Variants in ZNF552 observed in about 807,000 individuals in gnomAD.
ZNF552 encodes the protein zinc finger protein 552.
In ZNF552, 2 loss-of-function variants were observed where a neutral mutation model predicts 7.2. The ratio of observed to expected loss-of-function variants is 0.28; its 90% CI spans 0.11 to 0.88. The LOEUF (loss-of-function observed/expected upper bound fraction) is 0.88. ZNF552 is among the 40% of genes least tolerant of loss of function. ZNF552 has a pLI of 0.60. For synonymous variants in ZNF552, 173 were observed against 176.5 expected (o/e 0.98, Z 0.16); for missense variants, 421 against 493.4 (o/e 0.85, Z 1.39).
At position 57,808,622 on chromosome 19, in the gene ZNF552, A is replaced by G. The variant is rs1443955026; in HGVS notation, c.642T>C (p.Cys214=). The part of the protein sequence containing the change: ...LFHGGKSHYS[C]GGCMKHFSTK... The stretch of plus-strand genomic sequence containing the variant: ...TGCTAAAATGTTTCATGCATCCTCC[A>G]CAGCTGTAATGGCTTTTTCCCCCAT... Residue 214 remains cysteine, a synonymous_variant, in exon 3 of 3, where the codon TGT becomes TGC. Transcript: ENST00000391701. The G allele has an allele frequency of 1.2e-6, 2 of 1,613,992 alleles. No individual in the cohort carries two copies. Among genetic ancestry groups the G allele is most frequent in the Non-Finnish European group, 1.7e-6 (2 of 1,180,038 alleles).
chr19:57,808,207 C>G lies in ZNF552; in HGVS notation c.1057G>C (p.Glu353Gln). Reference protein sequence around the residue: ...KRVHTGQKPYECSECGKSFAE... With the variant: ...KRVHTGQKPYQCSECGKSFAE... ...AAAGATTTCCCACATTCACTGCACT[C>G]ATAAGGCTTCTGACCAGTGTGAACT... Residue 353 changes from glutamate to glutamine, a missense_variant, in exon 3 of 3, where the codon GAG becomes CAG. Glu to Gln is a conservative substitution (Grantham distance 29). Coordinates refer to ENST00000391701, the MANE Select transcript of ZNF552 (RefSeq NM_024762.3). The G allele has an allele frequency of 6.2e-7, 1 of 1,614,180 alleles. No homozygotes were observed. Among genetic ancestry groups the G allele is most frequent in the Non-Finnish European group, 8.5e-7 (1 of 1,180,030 alleles).
chr19:57,813,772 T>C (rs1987903418), intron 1 of ZNF552, among the ~76,000 whole-genome samples: 1 of 129,354 alleles, frequency 7.7e-6, no homozygotes. Flanking sequence ...TGATACGGAG[T>C]CTCGCTCTGT....
intron 2 of ZNF552, among the ~76,000 whole-genome samples, chr19:57,811,112 A>G (rs922978047): frequency 6.6e-6 from 1 of 152,146 alleles, no homozygotes; most frequent in African/African-American, 2.4e-5. Context: ...GGCAGGGGGA[A>G]GGCAGGGTTC....
intron 2 of ZNF552, among the ~76,000 whole-genome samples, chr19:57,812,453 C>T (rs1987875429): frequency 6.6e-6 from 1 of 152,024 alleles, no homozygotes; most frequent in Non-Finnish European, 1.5e-5. Context: ...ACCAAGATAA[C>T]CAAGTACATG....
intron 2 of ZNF552, among the ~76,000 whole-genome samples, chr19:57,812,319 G>T (rs1176476898): frequency 2.0e-5 from 3 of 152,092 alleles, no homozygotes; most frequent in Non-Finnish European, 4.4e-5. Context: ...TTTCTGTCAT[G>T]ATTTGAATAA....
chr19:57,814,609 C>T lies in ZNF552; in HGVS notation c.33+102G>A, dbSNP rs757695802. The T allele has an allele frequency of 4.4e-6, 7 of 1,598,614 alleles. 1 individual carries two copies. Among genetic ancestry groups the T allele is most frequent in the East Asian group, 2.3e-5 (1 of 43,974 alleles). ...CGAGAGCGCCTCAGTGTCCCGACGC[C>T]GGGTCCGGGTTGCAGAGCCGTAAAC... On this transcript the variant is annotated intron_variant, in intron 1 of 2. Transcript: ENST00000391701.
chr19:57,808,379 T>C lies in ZNF552; in HGVS notation c.885A>G (p.Pro295=). ...ATTTCTGACAAACCTCACACTCATA[T>C]GGCTTCTCTCCAGTGTGAATTCTCT... ...VHQRIHTGEK[P]YECEVCQKFF... Residue 295 remains proline (P), a synonymous_variant, in exon 3 of 3, where the codon CCA becomes CCG. Transcript: ENST00000391701. The C allele has an allele frequency of 5.0e-6, 8 of 1,613,564 alleles. No homozygotes were observed. The highest frequency in any genetic ancestry group is 3.3e-5 in the South Asian group (3 of 91,008).
chr19:57,808,252 T>C lies in ZNF552; in HGVS notation c.1012A>G (p.Thr338Ala), dbSNP rs1012396713. 1.1e-5 allele frequency: 17 copies of C among 1,613,986 alleles called. No homozygotes were observed. The highest frequency in any genetic ancestry group is 3.3e-5 in the South Asian group (3 of 91,076). Residue 338 changes from threonine (T) to alanine (A), a missense_variant, in exon 3 of 3, where the codon ACA becomes GCA. Physicochemically the swap from Thr to Ala is moderately conservative, Grantham distance 58 (BLOSUM62 0). Transcript: ENST00000391701. ...DCGKSFTHSS[T>A]FRVHKRVHTG... ...TGAACTCTCTTATGAACACGGAATG[T>C]AGAGCTGTGGGTAAATGACTTCCCA...
intron 2 of ZNF552, among the ~76,000 whole-genome samples, chr19:57,809,533 C>T (rs998960277): frequency 2.0e-5 from 3 of 151,814 alleles, no homozygotes; most frequent in African/African-American, 7.3e-5. Context: ...ATACTGGAAA[C>T]CACTGCAGAT....
intron 2 of ZNF552, among the ~76,000 whole-genome samples, chr19:57,811,578 C>T (rs1174971763): frequency 1.3e-5 from 2 of 152,146 alleles, no homozygotes; most frequent in African/African-American, 4.8e-5. Flanking sequence ...ATTAGCCGGG[C>T]ATGGTGGCAC....
intron 2 of ZNF552, 102 bp downstream of exon 2, chr19:57,813,192 A>G: frequency 6.4e-7 from 1 of 1,553,046 alleles, no homozygotes. Context: ...TGAAGTAGGA[A>G]GCTGTGTCCA....
chr19:57,808,263 G>A lies in ZNF552; in HGVS notation c.1001C>T (p.Thr334Ile). Residue 334 changes from threonine (T) to isoleucine (I), a missense_variant, in exon 3 of 3, where the codon ACC (threonine) becomes ATC (isoleucine). Physicochemically the swap from Thr to Ile is moderately conservative, Grantham distance 89 (BLOSUM62 -1). Transcript: ENST00000391701. ...ATGAACACGGAATGTAGAGCTGTGG[G>A]TAAATGACTTCCCACAATCACTGCA... ...YECSDCGKSFTHSSTFRVHKR... is the reference protein window; with the variant it reads ...YECSDCGKSFIHSSTFRVHKR... 1 of 1,613,960 alleles carries A rather than the reference G, an allele frequency of 6.2e-7. No homozygotes were observed. Among genetic ancestry groups the A allele is most frequent in the South Asian group, 1.1e-5 (1 of 91,068 alleles).
In ZNF552 at chr19:57,813,405, C is replaced by T. The variant is rs1394308366; in HGVS notation, c.49G>A (p.Glu17Lys). The change falls in exon 2 of 3, where the codon GAA (glutamate) becomes AAA (lysine). Residue 17 changes from glutamate (E) to lysine (K), a missense_variant. Coordinates refer to ENST00000391701, the MANE Select transcript of ZNF552 (RefSeq NM_024762.3). Reference sequence around the variant, plus strand: ...TGGGTAAATTTCACAGCCACGTCTTCAAAAGTCACTGTGCCCTGTTATGAT... The same window carrying T: ...TGGGTAAATTTCACAGCCACGTCTTTAAAAGTCACTGTGCCCTGTTATGAT... ...RFPVQGTVTF[E>K]DVAVKFTQEE... 3.1e-6 allele frequency: 5 copies of T among 1,613,964 alleles called. No homozygotes were observed. The highest frequency in any genetic ancestry group is 4.2e-6 in the Non-Finnish European group (5 of 1,180,010).
chr19:57,812,141 C>T (rs984099679), intron 2 of ZNF552, among the ~76,000 whole-genome samples: 16 of 151,636 alleles, frequency 1.1e-4, no homozygotes, highest in African/African-American at 3.9e-4. Context: ...GCAGAGGTTG[C>T]AGTGAGCAGA....
At chr19:57,814,043 ACTTT>A (rs1987910835) in intron 1 of ZNF552, among the ~76,000 whole-genome samples, 1 of 151,584 alleles carries the variant, frequency 6.6e-6, no homozygotes, top group Non-Finnish European at 1.5e-5. Context: ...CCCACCCTCC[ACTTT>A]CTTGTATGCG....
At position 57,811,580 on chromosome 19, in the gene ZNF552, T is replaced by C. The variant is rs530426636; in HGVS notation, c.160+1714A>G. The stretch of plus-strand genomic sequence containing the variant: ...CAGGCCACCCTTCATTAGCCGGGCA[T>C]GGTGGCACATGCCTGTAATCCCAGC... On this transcript the variant is annotated intron_variant, in intron 2 of 2. Coordinates refer to ENST00000391701, the MANE Select transcript of ZNF552 (RefSeq NM_024762.3). 5.9e-5 allele frequency among the ~76,000 whole-genome samples: 9 copies of C among 152,036 alleles called. No homozygotes were observed. In the South Asian group the frequency reaches 8.3e-4, roughly 14 times the overall value.
At chr19:57,810,892 T>C (rs1987842274) in intron 2 of ZNF552, among the ~76,000 whole-genome samples, 1 of 152,264 alleles carries the variant, frequency 6.6e-6, no homozygotes, top group South Asian at 2.1e-4. Context: ...AGGTGAGACA[T>C]GCTGGAGGCA....
rs1009000953 is a variant in ZNF552 at position 57,807,124 on chromosome 19, G to C, written c.*916C>G. On this transcript the variant is annotated 3_prime_UTR_variant, in exon 3 of 3. Coordinates refer to ENST00000391701, the MANE Select transcript of ZNF552 (RefSeq NM_024762.3). ...TTATTACATCAGTCAGAAAATTCTAGAAAATGGAAAGTATTATACAGCAGA... is the reference window on the plus strand; with the variant it reads ...TTATTACATCAGTCAGAAAATTCTACAAAATGGAAAGTATTATACAGCAGA... 5.3e-5 allele frequency: 8 copies of C among 152,160 alleles called. No individual in the cohort carries two copies. The highest frequency in any genetic ancestry group is 1.2e-4 in the Non-Finnish European group (8 of 68,018). The allele number at this position is 152,160 out of a possible 1,614,324, so 9.4% of individuals were successfully genotyped here.
At chr19:57,812,974 A>G (rs950361877) in intron 2 of ZNF552, 3 of 401,770 alleles carry the variant, frequency 7.5e-6, no homozygotes, top group Admixed American at 8.0e-5. Flanking sequence ...GCATGAAGAA[A>G]TAACAGGTAG....
Sources: allele counts gnomAD v4.1 joint callset (sites outside exome capture counted in the v4.1 genomes callset), GRCh38; gene constraint gnomAD v4.1.1; transcripts MANE v1.5; gene names NCBI Gene and HGNC (gene_info 2026-07-23, HGNC 2026-07-21).